Variants in CPPED1 observed in about 807,000 individuals in gnomAD.
The protein encoded by CPPED1 is calcineurin like phosphoesterase domain containing 1.
In CPPED1, 28 loss-of-function variants were observed where a neutral mutation model predicts 28.0. That is an observed-to-expected ratio of 1.00 (90% CI 0.74 to 1.37). The LOEUF (loss-of-function observed/expected upper bound fraction) is 1.37, where lower values mean the gene tolerates loss of function less well. CPPED1 is among the 40% of genes most tolerant of loss of function. The pLI is 0.00. For missense variants in CPPED1, 504 were observed against 416.5 expected (o/e 1.21, Z -1.83); for synonymous variants, 198 against 180.2 (o/e 1.10, Z -0.79).
chr16:12,665,282 T>C (rs900181030), intron 3 of CPPED1, among the ~76,000 whole-genome samples, 167 bp from the exon 4 acceptor site: 4 of 151,978 alleles, frequency 2.6e-5, no homozygotes, highest in African/African-American at 9.7e-5. Context: ...AATCAACAAA[T>C]AGAAAGCGTA....
chr16:12,716,498 G>A (rs1260198291), intron 2 of CPPED1, among the ~76,000 whole-genome samples: 2 of 152,228 alleles, frequency 1.3e-5, no homozygotes, highest in Non-Finnish European at 2.9e-5. Context: ...CCACGAACAA[G>A]TCTTATTTAG....
chr16:12,730,997 T>A (rs1301105827), intron 2 of CPPED1, among the ~76,000 whole-genome samples: 1 of 152,048 alleles, frequency 6.6e-6, no homozygotes, highest in African/African-American at 2.4e-5. Flanking sequence ...TTGACCACTG[T>A]CCTTCTCACC....
chr16:12,678,449 A>G (rs2079889006), intron 3 of CPPED1, among the ~76,000 whole-genome samples: 1 of 152,246 alleles, frequency 6.6e-6, no homozygotes, highest in Non-Finnish European at 1.5e-5. Context: ...TAAAACTGCT[A>G]TAATTTTGAT....
intron 2 of CPPED1, among the ~76,000 whole-genome samples, chr16:12,711,686 T>G (rs2080080791): frequency 6.6e-6 from 1 of 152,096 alleles, no homozygotes; most frequent in African/African-American, 2.4e-5. Flanking sequence ...CCCTTGGGGT[T>G]GGCTTTTCAA....
chr16:12,707,950 C>T (rs540684737), intron 2 of CPPED1, among the ~76,000 whole-genome samples: 1 of 152,268 alleles, frequency 6.6e-6, no homozygotes, highest in African/African-American at 2.4e-5. Flanking sequence ...AGTTCAACAC[C>T]AACCTGGCCA....
intron 1 of CPPED1, among the ~76,000 whole-genome samples, chr16:12,787,267 C>G (rs1262067159): frequency 1.3e-5 from 2 of 152,098 alleles, no homozygotes; most frequent in South Asian, 2.1e-4. Flanking sequence ...AGACTATAAA[C>G]TTTGGAAACA....
At position 12,803,803 on chromosome 16, in the gene CPPED1, A is replaced by G; in HGVS notation, c.-27T>C. 1.3e-6 allele frequency: 2 copies of G among 1,591,306 alleles called. No individual in the cohort carries two copies. The highest frequency in any genetic ancestry group is 1.7e-6 in the Non-Finnish European group (2 of 1,169,996). ...GCGAGCGAGTTTCTGGCCTTCACTTAGAACACTGCGTGGGTGGAAGCCGCG... is the reference window on the plus strand; with the variant it reads ...GCGAGCGAGTTTCTGGCCTTCACTTGGAACACTGCGTGGGTGGAAGCCGCG... On this transcript the variant is annotated 5_prime_UTR_variant, in exon 1 of 4. Transcript: ENST00000381774.
intron 3 of CPPED1, among the ~76,000 whole-genome samples, chr16:12,689,431 T>C (rs1023392534): frequency 3.4e-5 from 4 of 116,150 alleles, no homozygotes; most frequent in Non-Finnish European, 8.3e-5. Context: ...GGTCTTGCTA[T>C]GTTGCCCAGG....
intron 2 of CPPED1, among the ~76,000 whole-genome samples, chr16:12,730,451 G>C (rs1432791605): frequency 1.3e-5 from 2 of 152,164 alleles, no homozygotes; most frequent in African/African-American, 4.8e-5. Context: ...AATATACCCA[G>C]AGAAATGAGG....
At chr16:12,762,285 A>C (rs533224270) in intron 2 of CPPED1, among the ~76,000 whole-genome samples, 1 of 152,278 alleles carries the variant, frequency 6.6e-6, no homozygotes, top group East Asian at 1.9e-4. Flanking sequence ...TGGTGAATTC[A>C]ATTTCTTGGA....
Position 12,662,363 on chromosome 16 carries a change from T to C in CPPED1, c.*2523A>G, listed in dbSNP as rs2141161017. 1 of 152,320 alleles carries C rather than the reference T, an allele frequency of 6.6e-6. No individual in the cohort carries two copies. Among genetic ancestry groups the C allele is most frequent in the African/African-American group, 2.4e-5 (1 of 41,574 alleles). The allele number at this position is 152,320 out of a possible 1,614,324, so 9.4% of individuals were successfully genotyped here. A position where few individuals can be genotyped will look rare whatever the true frequency, so the allele number is the denominator to read the frequency against. On this transcript the variant is annotated 3_prime_UTR_variant, in exon 4 of 4. Coordinates refer to ENST00000381774, the MANE Select transcript of CPPED1 (RefSeq NM_018340.3). ...TGCTTACTTAAAAAGTGGTGAGAAA[T>C]TAATATGATTCTCTCTTCCCTTTTA...
intron 2 of CPPED1, among the ~76,000 whole-genome samples, chr16:12,722,860 C>A (rs1439696077): frequency 6.6e-6 from 1 of 152,186 alleles, no homozygotes; most frequent in African/African-American, 2.4e-5. Context: ...AAGATGCAGG[C>A]TCCAGTGTAT....
At chr16:12,793,897 C>T (rs2080611117) in intron 1 of CPPED1, among the ~76,000 whole-genome samples, 1 of 152,214 alleles carries the variant, frequency 6.6e-6, no homozygotes, top group Non-Finnish European at 1.5e-5. Flanking sequence ...CAGCCGCCTG[C>T]AGGCTTTCTA....
chr16:12,756,154 T>C (rs1220557256), intron 2 of CPPED1, among the ~76,000 whole-genome samples: 1 of 149,232 alleles, frequency 6.7e-6, no homozygotes, highest in Non-Finnish European at 1.5e-5. Flanking sequence ...AAATCGGAAG[T>C]TGGTTCAGCT....
chr16:12,779,637 G>C (rs1430386368), intron 2 of CPPED1, among the ~76,000 whole-genome samples: 2 of 152,036 alleles, frequency 1.3e-5, no homozygotes, highest in African/African-American at 4.8e-5. Context: ...TGATCCACCT[G>C]TCCCGGCCTC....
At position 12,663,693 on chromosome 16, in the gene CPPED1, T is replaced by C. The variant is rs1433116642; in HGVS notation, c.*1193A>G. ...AATTTAATAGACTTTGCAGGTCATG[T>C]GTAACCAGCTTTGGAAATCATTTTA... On this transcript the variant is annotated 3_prime_UTR_variant, in exon 4 of 4. Transcript: ENST00000381774. 1 of 152,216 alleles carries C rather than the reference T, an allele frequency of 6.6e-6. No homozygotes were observed. The highest frequency in any genetic ancestry group is 2.4e-5 in the African/African-American group (1 of 41,458). 9.4% of individuals were successfully genotyped at this position (152,216 alleles called of 1,614,324 possible).
chr16:12,800,028 T>C (rs939706175), intron 1 of CPPED1, among the ~76,000 whole-genome samples: 1 of 152,192 alleles, frequency 6.6e-6, no homozygotes, highest in African/African-American at 2.4e-5. Context: ...CTGGTCCCAG[T>C]GGTGGCCCCC....
intron 1 of CPPED1, among the ~76,000 whole-genome samples, chr16:12,786,691 C>T (rs995094027): frequency 8.5e-5 from 13 of 152,054 alleles, no homozygotes; most frequent in Non-Finnish European, 4.4e-5. Context: ...GAGGCCGAGG[C>T]GGGTGGATCA....
intron 2 of CPPED1, among the ~76,000 whole-genome samples, chr16:12,768,652 C>G (rs2080452730): frequency 6.6e-6 from 1 of 152,098 alleles, no homozygotes; most frequent in South Asian, 2.1e-4. Flanking sequence ...TGGGGTTCAT[C>G]CTGTGAACTT....
Sources: gnomAD v4.1 joint callset for allele counts (sites outside exome capture counted in the v4.1 genomes callset) on GRCh38, gnomAD v4.1.1 for gene constraint, MANE v1.5 for transcripts, NCBI Gene and HGNC (gene_info 2026-07-23, HGNC 2026-07-21) for gene names.